The following RAB38 variants were observed in gnomAD, a reference collection of about 807,000 sequenced individuals.
RAB38 encodes the protein ras-related protein Rab-38.
In RAB38, 15 loss-of-function variants were observed where a neutral mutation model predicts 18.4. That is an observed-to-expected ratio of 0.82 (90% CI 0.55 to 1.26). The LOEUF (loss-of-function observed/expected upper bound fraction) is 1.26. Ranked by LOEUF, RAB38 falls within the 50% of genes most tolerant of loss-of-function variation. The pLI is 0.00. For missense variants in RAB38, 294 were observed against 267.4 expected, an observed-to-expected ratio of 1.10 and a Z score of -0.69; for synonymous variants, 101 against 104.4, an observed-to-expected ratio of 0.97 and a Z score of 0.20.
the RAB38 span, among the ~76,000 whole-genome samples, chr11:87,849,690 A>T: frequency 3.9e-5 from 6 of 152,094 alleles, no homozygotes; most frequent in African/African-American, 1.4e-4. Context: ...TTTAATCTTC[A>T]AAGGGAAATA....
At chr11:87,833,437 T>A in the RAB38 span, among the ~76,000 whole-genome samples, 2 of 152,198 alleles carry the variant, frequency 1.3e-5, no homozygotes, top group Non-Finnish European at 2.9e-5. Context: ...TTCCATGAGT[T>A]CTGATCTTAA....
chr11:88,030,030 T>A, the RAB38 span, among the ~76,000 whole-genome samples: 7 of 152,086 alleles, frequency 4.6e-5, no homozygotes, highest in African/African-American at 1.5e-4. Flanking sequence ...ACAAACTATC[T>A]CTCAGACCAC....
At chr11:88,088,680 G>A in the RAB38 span, among the ~76,000 whole-genome samples, 1 of 151,594 alleles carries the variant, frequency 6.6e-6, no homozygotes, top group Admixed American at 6.6e-5. Context: ...TTTTTTTTAG[G>A]TGTCTTTGAC....
intron 1 of RAB38, among the ~76,000 whole-genome samples, chr11:88,156,021 G>A (rs563360309): frequency 7.9e-5 from 12 of 152,240 alleles, no homozygotes; most frequent in African/African-American, 2.6e-4. Context: ...TGAGAAATGT[G>A]GGATTATGTA....
At chr11:88,128,589 T>A (rs935194430) in intron 2 of RAB38, among the ~76,000 whole-genome samples, 2 of 152,144 alleles carry the variant, frequency 1.3e-5, no homozygotes, top group African/African-American at 4.8e-5. Flanking sequence ...TCAAATACCA[T>A]CAGATCACCT....
the RAB38 span, among the ~76,000 whole-genome samples, chr11:87,806,593 A>G: frequency 1.4e-4 from 21 of 152,314 alleles, no homozygotes; most frequent in South Asian, 3.9e-3. Flanking sequence ...TTAGGGAAAA[A>G]AATTCCTAAG....
At chr11:88,043,729 C>A in the RAB38 span, among the ~76,000 whole-genome samples, 1 of 152,074 alleles carries the variant, frequency 6.6e-6, no homozygotes, top group African/African-American at 2.4e-5. Context: ...CCCGCCTGCA[C>A]CCAGGTGAAA....
the RAB38 span, among the ~76,000 whole-genome samples, chr11:88,065,961 A>C: frequency 6.6e-6 from 1 of 152,332 alleles, no homozygotes. Context: ...GGCTTTGATA[A>C]GTTTAGAAAC....
chr11:87,936,288 C>T, the RAB38 span, among the ~76,000 whole-genome samples: 1 of 151,906 alleles, frequency 6.6e-6, no homozygotes, highest in Non-Finnish European at 1.5e-5. Context: ...TATATGTAAG[C>T]CCAAGTTCCA....
the RAB38 span, among the ~76,000 whole-genome samples, chr11:88,011,529 G>T: frequency 6.6e-6 from 1 of 152,228 alleles, no homozygotes; most frequent in South Asian, 2.1e-4. Flanking sequence ...AAAGCCATGT[G>T]CTCTTAAGAG....
At chr11:88,078,041 C>T in the RAB38 span, among the ~76,000 whole-genome samples, 2 of 151,880 alleles carry the variant, frequency 1.3e-5, no homozygotes, top group Admixed American at 6.6e-5. Flanking sequence ...CAAAAGAAGA[C>T]CTGCAAATAG....
At chr11:87,841,598 A>T in the RAB38 span, among the ~76,000 whole-genome samples, 1 of 152,092 alleles carries the variant, frequency 6.6e-6, no homozygotes, top group South Asian at 2.1e-4. Context: ...ACATTTTCTT[A>T]ATGAATTTTT....
At chr11:87,850,381 A>T in the RAB38 span, among the ~76,000 whole-genome samples, 1 of 152,010 alleles carries the variant, frequency 6.6e-6, no homozygotes, top group East Asian at 1.9e-4. Context: ...TCACTCCCTC[A>T]TTCCCCTATA....
At chr11:87,862,227 C>T in the RAB38 span, among the ~76,000 whole-genome samples, 29 of 152,018 alleles carry the variant, frequency 1.9e-4, 1 homozygote, top group Middle Eastern at 0.01. Flanking sequence ...CATTGCAGCC[C>T]TATTCACAAT....
the RAB38 span, among the ~76,000 whole-genome samples, chr11:87,869,521 A>G: frequency 5.3e-5 from 8 of 151,644 alleles, no homozygotes; most frequent in Admixed American, 5.3e-4. Flanking sequence ...ATCATTTTGG[A>G]AAATGCAATA....
intron 2 of RAB38, among the ~76,000 whole-genome samples, chr11:88,117,816 T>C (rs1942576407): frequency 6.6e-6 from 1 of 152,182 alleles, no homozygotes; most frequent in African/African-American, 2.4e-5. Flanking sequence ...TTAATATATA[T>C]TAATACTTGA....
the RAB38 span, among the ~76,000 whole-genome samples, chr11:87,974,735 A>T: frequency 6.6e-6 from 1 of 151,882 alleles, no homozygotes; most frequent in Non-Finnish European, 1.5e-5. Flanking sequence ...GGGAAATGAT[A>T]CTTTATATAC....
At chr11:87,904,696 C>T in the RAB38 span, among the ~76,000 whole-genome samples, 4 of 134,378 alleles carry the variant, frequency 3.0e-5, no homozygotes, top group Non-Finnish European at 6.2e-5. Flanking sequence ...TACATTCCCT[C>T]CAACAGTGTA....
chr11:87,912,858 T>G, the RAB38 span, among the ~76,000 whole-genome samples: 1 of 149,250 alleles, frequency 6.7e-6, no homozygotes, highest in Non-Finnish European at 1.5e-5. Context: ...TCTGCTACTT[T>G]AGGCACATCT....
Sources: allele counts gnomAD v4.1 joint callset (sites outside exome capture counted in the v4.1 genomes callset), GRCh38; gene constraint gnomAD v4.1.1; transcripts MANE v1.5; gene names NCBI Gene and HGNC (gene_info 2026-07-23, HGNC 2026-07-21).